XCL1: variants seen among roughly 807,000 people sequenced by gnomAD.
XCL1 encodes X-C motif chemokine ligand 1.
In XCL1, 6 loss-of-function variants were observed where a neutral mutation model predicts 7.4. The observed-to-expected ratio is 0.82, with a 90% CI of 0.45 to 1.61. The LOEUF is 1.61. Among genes scored for constraint, XCL1 ranks in the 40% most tolerant of loss-of-function variants. The pLI, the probability that XCL1 is intolerant of heterozygous loss-of-function variation, is 0.01. For missense variants in XCL1, 122 were observed against 138.2 expected (o/e 0.88, Z 0.59); for synonymous variants, 48 against 52.4 (o/e 0.92, Z 0.36).
rs774062693 is a variant in XCL1, at chr1:168,581,101, T to C, written c.226T>C (p.Trp76Arg). 1 of 1,613,830 alleles carries C rather than the reference T, an allele frequency of 6.2e-7. No homozygotes were observed. Among genetic ancestry groups the C allele is most frequent in the Non-Finnish European group, 8.5e-7 (1 of 1,179,780 alleles). The change falls in exon 3 of 3, where the codon TGG (tryptophan) becomes CGG (arginine). Residue 76 changes from tryptophan (W) to arginine (R), a missense_variant. Transcript: ENST00000367818. Reference protein sequence around the residue: ...LKVCADPQATWVRDVVRSMDR... With the variant: ...LKVCADPQATRVRDVVRSMDR... ...AGTCTGTGCTGATCCACAAGCCACA[T>C]GGGTGAGAGACGTGGTCAGGAGCAT...
chr1:168,579,682 G>A (rs997022920), intron 1 of XCL1, among the ~76,000 whole-genome samples: 38 of 152,114 alleles, frequency 2.5e-4, no homozygotes, highest in African/African-American at 8.0e-4. Context: ...GAAAACAGGA[G>A]TAATGTCTGC....
intron 2 of XCL1, among the ~76,000 whole-genome samples, chr1:168,580,458 GGT>G (rs1233385818): frequency 6.6e-6 from 1 of 152,176 alleles, no homozygotes; most frequent in East Asian, 1.9e-4. Context: ...CTGAGACCTG[GGT>G]TTAGAGATGA....
intron 1 of XCL1, chr1:168,578,736 C>T: frequency 2.4e-6 from 1 of 414,978 alleles, no homozygotes; most frequent in Non-Finnish European, 4.6e-6. Context: ...CGGGACATTG[C>T]AGATCTCATC....
chr1:168,581,644 C>T lies in XCL1; in HGVS notation c.*424C>T, dbSNP rs1333859195. ...CAATTTGAGATGTATTTCAACTTGTCTCTATAATAGAATTCTGTTTATAGA... is the reference window on the plus strand; with the variant it reads ...CAATTTGAGATGTATTTCAACTTGTTTCTATAATAGAATTCTGTTTATAGA... On this transcript the variant is annotated 3_prime_UTR_variant, in exon 3 of 3. Coordinates refer to ENST00000367818, the MANE Select transcript of XCL1 (RefSeq NM_002995.3). 1.3e-5 allele frequency: 2 copies of T among 153,014 alleles called. No individual in the cohort carries two copies. The highest frequency in any genetic ancestry group is 2.9e-5 in the Non-Finnish European group (2 of 68,686). 9.5% of individuals were successfully genotyped at this position (153,014 alleles called of 1,614,324 possible).
intron 1 of XCL1, chr1:168,579,450 C>T: frequency 5.5e-6 from 1 of 182,364 alleles, no homozygotes; most frequent in Non-Finnish European, 1.1e-5. Context: ...TCTTAGGCAG[C>T]TGACAGAGAG....
At position 168,580,085 on chromosome 1, in the gene XCL1, T is replaced by C; in HGVS notation, c.84T>C (p.Asp28=). ...CAGGTGTAGGGAGTGAAGTCTCAGA[T>C]AAGAGGACCTGTGTGAGCCTCACTA... ...IVEGVGSEVS[D]KRTCVSLTTQ... is the part of the protein sequence containing the mutation. Residue 28 remains aspartate (D), a synonymous_variant, in exon 2 of 3, where the codon GAT becomes GAC. Transcript: ENST00000367818. The C allele has an allele frequency of 3.1e-6, 5 of 1,613,798 alleles. No individual in the cohort carries two copies. The highest frequency in any genetic ancestry group is 4.2e-6 in the Non-Finnish European group (5 of 1,179,758).
chr1:168,577,836 C>G (rs985321335), intron 1 of XCL1, among the ~76,000 whole-genome samples: 2 of 152,130 alleles, frequency 1.3e-5, no homozygotes, highest in African/African-American at 4.8e-5. Context: ...AGACACTGGT[C>G]TCAAATTCCC....
chr1:168,581,198 C>A lies in XCL1; in HGVS notation c.323C>A (p.Thr108Lys). The A allele has an allele frequency of 6.2e-7, 1 of 1,613,762 alleles. No individual in the cohort carries two copies. Among genetic ancestry groups the A allele is most frequent in the Non-Finnish European group, 8.5e-7 (1 of 1,179,772 alleles). Residue 108 changes from threonine (T) to lysine (K), a missense_variant, in exon 3 of 3, where the codon ACA (threonine) becomes AAA (lysine). Thr to Lys is a moderately conservative substitution (Grantham distance 78). Transcript: ENST00000367818. ...ACAGGAACCCAGCAATCGACCAATA[C>A]AGCTGTGACTCTGACTGGCTAGTAG... is the stretch of plus-strand genomic sequence containing the variant. ...KPTGTQQSTN[T>K]AVTLTG
Position 168,581,050 on chromosome 1 carries a change from A to C in XCL1, c.177-2A>C. 1 of 1,613,348 alleles carries C rather than the reference A, an allele frequency of 6.2e-7. No individual in the cohort carries two copies. Among genetic ancestry groups the C allele is most frequent in the Non-Finnish European group, 8.5e-7 (1 of 1,179,436 alleles). On this transcript the variant is annotated splice_acceptor_variant, in intron 2 of 2. Transcript: ENST00000367818. LOFTEE classifies it high-confidence loss of function. ...TTCGTCTGTCTTTTCCTTGCGTTACAGTTTTATTACCAAACGTGGCCTAAA... is the reference window on the plus strand; with the variant it reads ...TTCGTCTGTCTTTTCCTTGCGTTACCGTTTTATTACCAAACGTGGCCTAAA...
At chr1:168,577,491 A>G (rs1169582658) in intron 1 of XCL1, among the ~76,000 whole-genome samples, 1 of 152,186 alleles carries the variant, frequency 6.6e-6, no homozygotes. Flanking sequence ...CTGAGCATTC[A>G]GTAGGTATTT....
chr1:168,577,880 A>G (rs1243637721), intron 1 of XCL1, among the ~76,000 whole-genome samples: 1 of 152,192 alleles, frequency 6.6e-6, no homozygotes, highest in African/African-American at 2.4e-5. Flanking sequence ...TATAAGTCCC[A>G]CTGGTGCTTA....
intron 2 of XCL1, among the ~76,000 whole-genome samples, chr1:168,580,783 T>G (rs575162646): frequency 6.6e-6 from 1 of 152,328 alleles, no homozygotes; most frequent in Non-Finnish European, 1.5e-5. Context: ...CTCAAAGTCT[T>G]TTTGTTACAA....
At chr1:168,576,728 G>C in intron 1 of XCL1, 30 bp downstream of exon 1, 3 of 1,613,666 alleles carry the variant, frequency 1.9e-6, no homozygotes, top group Non-Finnish European at 2.5e-6. Context: ...GTGAGATAAA[G>C]AACAGGGAGG....
intron 1 of XCL1, chr1:168,578,804 G>T (rs1379075328): frequency 1.1e-5 from 5 of 456,944 alleles, no homozygotes; most frequent in South Asian, 8.3e-5. Flanking sequence ...AAGCTCCTTT[G>T]TCTTCCTGGT....
chr1:168,580,829 A>G (rs1008830776), intron 2 of XCL1, among the ~76,000 whole-genome samples: 25 of 152,228 alleles, frequency 1.6e-4, no homozygotes, highest in Non-Finnish European at 4.4e-5. Context: ...GACCCTGTGA[A>G]TTATTGTGAA....
chr1:168,580,241 A>C, intron 2 of XCL1, 64 bp downstream of exon 2: 1 of 1,541,256 alleles, frequency 6.5e-7, no homozygotes, highest in South Asian at 1.2e-5. Context: ...TACACTCTGT[A>C]GAAATGCTGC....
chr1:168,580,141 C>A lies in XCL1; in HGVS notation c.140C>A (p.Thr47Asn). ...CGACTGCCGGTTAGCAGAATCAAGA[C>A]CTACACCATCACGGAAGGCTCCTTG... Reference protein sequence around the residue: ...TQRLPVSRIKTYTITEGSLRA... With the variant: ...TQRLPVSRIKNYTITEGSLRA... Residue 47 changes from threonine (T) to asparagine (N), a missense_variant, in exon 2 of 3, where the codon ACC (threonine) becomes AAC (asparagine). Physicochemically the swap from Thr to Asn is moderately conservative, Grantham distance 65. Transcript: ENST00000367818. The A allele has an allele frequency of 1.2e-6, 2 of 1,612,080 alleles. No individual in the cohort carries two copies. The highest frequency in any genetic ancestry group is 1.7e-6 in the Non-Finnish European group (2 of 1,178,996).
intron 1 of XCL1, among the ~76,000 whole-genome samples, chr1:168,578,281 A>T (rs1339478084): frequency 3.9e-5 from 6 of 152,224 alleles, no homozygotes; most frequent in Non-Finnish European, 7.3e-5. Context: ...GCTTTAAAAA[A>T]TGCCTTCTGA....
Position 168,578,382 on chromosome 1 carries a change from G to A in XCL1, c.62-1681G>A, listed in dbSNP as rs1440645149. On this transcript the variant is annotated intron_variant, in intron 1 of 2. Coordinates refer to ENST00000367818, the MANE Select transcript of XCL1 (RefSeq NM_002995.3). ...CTATTTCCCTGGGAAGCAAAGACCA[G>A]TGTCTACAGCTAAGGAGAAAATCAG... is the stretch of plus-strand genomic sequence containing the variant. 9.9e-5 allele frequency among the ~76,000 whole-genome samples: 15 copies of A among 152,278 alleles called. No individual in the cohort carries two copies. The East Asian group carries it at 2.9e-3, about 29-fold the overall frequency.
Sources: allele counts gnomAD v4.1 joint callset (sites outside exome capture counted in the v4.1 genomes callset), GRCh38; gene constraint gnomAD v4.1.1; transcripts MANE v1.5; gene names NCBI Gene and HGNC (gene_info 2026-07-23, HGNC 2026-07-21).